PHACTR1: variants seen among roughly 807,000 people sequenced by gnomAD.
PHACTR1 encodes RPEL repeat containing 1.
PHACTR1 carries 16 observed loss-of-function variants against 69.2 expected under a neutral mutation model. The observed-to-expected ratio is 0.23, with a 90% CI of 0.16 to 0.35. The LOEUF (loss-of-function observed/expected upper bound fraction) is 0.35. Ranked by LOEUF, PHACTR1 falls within the 10% of genes least tolerant of loss-of-function variation. The pLI is 1.00. For synonymous variants in PHACTR1, 312 were observed against 284.5 expected, an observed-to-expected ratio of 1.10 and a Z score of -0.97; for missense variants, 510 against 734.7, an observed-to-expected ratio of 0.69 and a Z score of 3.54.
chr6:12,726,768 A>G (rs1413283810), intron 3 of PHACTR1, among the ~76,000 whole-genome samples: 1 of 152,146 alleles, frequency 6.6e-6, no homozygotes, highest in African/African-American at 2.4e-5. Flanking sequence ...AGTCAACCCA[A>G]TCCTCATCTG....
intron 5 of PHACTR1, among the ~76,000 whole-genome samples, chr6:13,098,412 C>T (rs1456248866): frequency 6.6e-6 from 1 of 152,198 alleles, no homozygotes. Flanking sequence ...GGGTTGCTAT[C>T]TAGGCCTTCG....
intron 4 of PHACTR1, among the ~76,000 whole-genome samples, chr6:12,869,179 G>A (rs1017759750): frequency 1.7e-4 from 26 of 152,254 alleles, no homozygotes; most frequent in African/African-American, 5.3e-4. Flanking sequence ...TAGATTCCCA[G>A]CCTGTGGCTG....
chr6:13,276,538 G>A (rs1315940707), intron 11 of PHACTR1, among the ~76,000 whole-genome samples: 6 of 152,208 alleles, frequency 3.9e-5, no homozygotes, highest in South Asian at 2.1e-4. Flanking sequence ...CTGGGAGGCT[G>A]AGGCGGGTGG....
At chr6:13,175,267 T>C (rs907793578) in intron 6 of PHACTR1, among the ~76,000 whole-genome samples, 4 of 152,260 alleles carry the variant, frequency 2.6e-5, no homozygotes, top group Non-Finnish European at 5.9e-5. Context: ...TGTTAGCTCA[T>C]CTGATATTTC....
intron 5 of PHACTR1, among the ~76,000 whole-genome samples, chr6:13,112,531 C>G (rs928559687): frequency 8.5e-5 from 13 of 152,258 alleles, no homozygotes; most frequent in African/African-American, 2.2e-4. Context: ...TCTCTGCAAC[C>G]TCACCAGCAT....
chr6:13,264,726 A>G (rs1776382991), intron 10 of PHACTR1: 1 of 152,100 alleles, frequency 6.6e-6, no homozygotes, highest in African/African-American at 2.4e-5. Context: ...CTGAGAAAAA[A>G]ATACGATACA....
chr6:13,202,218 G>A (rs2113853161), intron 7 of PHACTR1, among the ~76,000 whole-genome samples: 1 of 152,290 alleles, frequency 6.6e-6, no homozygotes, highest in Non-Finnish European at 1.5e-5. Context: ...AGTAGGTTTT[G>A]CTATGGAAGA....
chr6:13,117,806 T>C (rs529241536), intron 5 of PHACTR1, among the ~76,000 whole-genome samples: 2 of 152,320 alleles, frequency 1.3e-5, no homozygotes, highest in East Asian at 3.9e-4. Context: ...CCCTGGCGAT[T>C]GTAATCTCCT....
chr6:13,004,286 AT>A (rs890239323), intron 4 of PHACTR1, among the ~76,000 whole-genome samples: 1 of 151,732 alleles, frequency 6.6e-6, no homozygotes, highest in Non-Finnish European at 1.5e-5. Context: ...CAATCTGTTA[AT>A]TTTTTTACTT....
intron 8 of PHACTR1, among the ~76,000 whole-genome samples, chr6:13,222,201 G>A (rs1178003039): frequency 1.3e-5 from 2 of 152,140 alleles, no homozygotes; most frequent in East Asian, 1.9e-4. Context: ...AATGCTTAAT[G>A]CCAAAGAATG....
chr6:13,242,227 G>A (rs1772960591), intron 10 of PHACTR1, among the ~76,000 whole-genome samples: 1 of 152,138 alleles, frequency 6.6e-6, no homozygotes, highest in Admixed American at 6.5e-5. Context: ...AATAGCAAGG[G>A]AAGAGCAGGC....
At chr6:12,944,163 A>G (rs545638032) in intron 4 of PHACTR1, among the ~76,000 whole-genome samples, 97 of 152,338 alleles carry the variant, frequency 6.4e-4, no homozygotes, top group African/African-American at 2.1e-3. Flanking sequence ...ATGGAAGGAA[A>G]GGCAGGAGGC....
chr6:12,724,685 C>A (rs1188636989), intron 3 of PHACTR1, among the ~76,000 whole-genome samples: 1 of 152,178 alleles, frequency 6.6e-6, no homozygotes, highest in African/African-American at 2.4e-5. Flanking sequence ...AACCACACTT[C>A]CAGGGATGGT....
intron 4 of PHACTR1, among the ~76,000 whole-genome samples, chr6:13,031,219 C>G (rs1222895125): frequency 6.6e-6 from 1 of 152,018 alleles, no homozygotes; most frequent in Non-Finnish European, 1.5e-5. Flanking sequence ...GGTATTCTGC[C>G]CCACTGATCT....
At chr6:13,107,169 G>A (rs541236291) in intron 5 of PHACTR1, among the ~76,000 whole-genome samples, 20 of 152,134 alleles carry the variant, frequency 1.3e-4, no homozygotes, top group Non-Finnish European at 2.4e-4. Flanking sequence ...CCAGGCTGGA[G>A]TGCAGTAGTA....
chr6:12,969,641 AT>A (rs763650048), intron 4 of PHACTR1, among the ~76,000 whole-genome samples: 10 of 152,218 alleles, frequency 6.6e-5, no homozygotes, highest in Non-Finnish European at 1.2e-4. Flanking sequence ...CACCAAAAAA[AT>A]ATCAGGAGAA....
chr6:12,915,220 G>A (rs964830777), intron 4 of PHACTR1, among the ~76,000 whole-genome samples: 5 of 152,026 alleles, frequency 3.3e-5, no homozygotes, highest in Non-Finnish European at 5.9e-5. Context: ...TCAAAACCAG[G>A]AGGAGCCAGG....
intron 4 of PHACTR1, among the ~76,000 whole-genome samples, chr6:12,805,880 C>T (rs1774268747): frequency 2.0e-5 from 3 of 152,288 alleles, no homozygotes; most frequent in South Asian, 4.1e-4. Flanking sequence ...GGACTACGGG[C>T]GTGAGCCACC....
intron 5 of PHACTR1, among the ~76,000 whole-genome samples, chr6:13,152,125 G>A (rs1824404420): frequency 6.6e-6 from 1 of 152,138 alleles, no homozygotes; most frequent in Admixed American, 6.5e-5. Context: ...CTGAAGTCAG[G>A]AGTTTGAGAC....
Sources: gnomAD v4.1 joint callset for allele counts (sites outside exome capture counted in the v4.1 genomes callset) on GRCh38, gnomAD v4.1.1 for gene constraint, MANE v1.5 for transcripts, NCBI Gene and HGNC (gene_info 2026-07-23, HGNC 2026-07-21) for gene names.